The following GTF2A1L variants were observed in gnomAD, a reference collection of about 807,000 sequenced individuals.
GTF2A1L encodes TFIIA-alpha and beta-like factor.
GTF2A1L carries 48 observed loss-of-function variants against 49.7 expected under a neutral mutation model. That is an observed-to-expected ratio of 0.97 (90% CI 0.77 to 1.23). The LOEUF is 1.23. Ranked by LOEUF, GTF2A1L falls within the 50% of genes most tolerant of loss-of-function variation. The probability of loss-of-function intolerance (pLI) is 0.00; values close to 1 mark genes in which losing one functional copy is unlikely to be tolerated. For synonymous variants in GTF2A1L, 246 were observed against 193.5 expected (o/e 1.27, Z -2.25); for missense variants, 736 against 564.8 (o/e 1.30, Z -3.07).
intron 1 of GTF2A1L, among the ~76,000 whole-genome samples, chr2:48,620,046 T>C (rs1265883060): frequency 2.6e-5 from 4 of 152,226 alleles, no homozygotes; most frequent in Non-Finnish European, 5.9e-5. Flanking sequence ...CTTTAATTGC[T>C]CTATTTTAAG....
At position 48,679,563 on chromosome 2, in the gene GTF2A1L, A is replaced by G. The variant is rs1166773474; in HGVS notation, c.*121A>G. On this transcript the variant is annotated 3_prime_UTR_variant, in exon 9 of 9. Transcript: ENST00000403751. ...GCTGTTCAAATTTTTAGTTCACTGT[A>G]TGGAATTTAATAAAATTATAATTCA... 4.1e-6 allele frequency: 6 copies of G among 1,456,232 alleles called. No individual in the cohort carries two copies. The East Asian group carries it at 8.0e-5, about 19-fold the overall frequency. The allele number at this position is 1,456,232 out of a possible 1,614,324, so 90.2% of individuals were successfully genotyped here.
chr2:48,633,024 G>A (rs1415409263), intron 3 of GTF2A1L: 1 of 240,784 alleles, frequency 4.2e-6, no homozygotes, highest in Non-Finnish European at 8.6e-6. Context: ...GTCATAAAAG[G>A]TTTTACTGTT....
intron 6 of GTF2A1L, among the ~76,000 whole-genome samples, chr2:48,655,793 T>C (rs1243750493): frequency 6.6e-6 from 1 of 152,070 alleles, no homozygotes; most frequent in Non-Finnish European, 1.5e-5. Context: ...CCACCACCCA[T>C]CTCTAGAAAT....
intron 8 of GTF2A1L, among the ~76,000 whole-genome samples, chr2:48,677,209 A>G (rs1679513612): frequency 6.6e-6 from 1 of 152,002 alleles, no homozygotes; most frequent in Non-Finnish European, 1.5e-5. Flanking sequence ...TATTAACTCC[A>G]GAATCAACTT....
At chr2:48,629,671 A>G (rs1676472450) in intron 3 of GTF2A1L, among the ~76,000 whole-genome samples, 1 of 144,476 alleles carries the variant, frequency 6.9e-6, no homozygotes, top group South Asian at 2.4e-4. Flanking sequence ...TTTTCAGGCT[A>G]AGGGAAAAGG....
At chr2:48,647,238 C>G in intron 6 of GTF2A1L, 196 bp downstream of exon 6, 1 of 494,120 alleles carries the variant, frequency 2.0e-6, no homozygotes, top group Non-Finnish European at 3.4e-6. Context: ...TAAAGTTTAC[C>G]AACTTAACCA....
chr2:48,672,272 G>A (rs1444227131), intron 8 of GTF2A1L, among the ~76,000 whole-genome samples: 1 of 152,218 alleles, frequency 6.6e-6, no homozygotes, highest in Non-Finnish European at 1.5e-5. Context: ...GGACACTGAA[G>A]AGATAGCTCT....
chr2:48,658,358 A>G lies in GTF2A1L; in HGVS notation c.978+11316A>G, dbSNP rs183729857. On this transcript the variant is annotated intron_variant, in intron 6 of 8. Coordinates refer to ENST00000403751, the MANE Select transcript of GTF2A1L (RefSeq NM_006872.5). ...TCCCATCACCATTTATTGAATAGGG[A>G]GTCCTTTCCCCATTGCTTATTTTTG... Among the ~76,000 whole-genome samples the G allele has an allele frequency of 7.6e-3, 1,164 of 152,238 alleles. 19 individuals carry two copies. Among genetic ancestry groups the G allele is most frequent in the African/African-American group, 0.027 (1,122 of 41,540 alleles).
chr2:48,644,970 A>AG, intron 4 of GTF2A1L, 63 bp from the exon 5 acceptor site: 2 of 1,479,584 alleles, frequency 1.4e-6, no homozygotes, highest in Non-Finnish European at 1.8e-6. Flanking sequence ...CTGTGAGATC[A>AG]GGGAAAAAAA....
intron 6 of GTF2A1L, among the ~76,000 whole-genome samples, chr2:48,662,596 A>C (rs1413404896): frequency 6.6e-6 from 1 of 151,456 alleles, no homozygotes; most frequent in African/African-American, 2.4e-5. Flanking sequence ...ACTGGAAGGA[A>C]TTCCCTCCCT....
chr2:48,658,100 G>C (rs1019678974), intron 6 of GTF2A1L, among the ~76,000 whole-genome samples: 10 of 152,114 alleles, frequency 6.6e-5, no homozygotes, highest in African/African-American at 2.2e-4. Context: ...AACCTCTTTA[G>C]TTTAATTAGG....
At position 48,646,971 on chromosome 2, in the gene GTF2A1L, A is replaced by T; in HGVS notation, c.907A>T (p.Met303Leu). 1.2e-6 allele frequency: 2 copies of T among 1,614,100 alleles called. No individual in the cohort carries two copies. Among genetic ancestry groups the T allele is most frequent in the East Asian group, 2.2e-5 (1 of 44,886 alleles). ...DIQLHILKNR[M>L]YGCDSVKQPR... ...TCAGCTTCATATTCTTAAAAATAGG[A>T]TGTATGGATGTGATTCTGTAAAGCA... The change falls in exon 6 of 9, where the codon ATG becomes TTG. Residue 303 changes from methionine (M) to leucine (L), a missense_variant. By Grantham distance (15) the Met-to-Leu change is conservative (BLOSUM62 2). Transcript: ENST00000403751.
chr2:48,635,948 A>T (rs1270241954), intron 3 of GTF2A1L, among the ~76,000 whole-genome samples: 1 of 152,042 alleles, frequency 6.6e-6, no homozygotes, highest in East Asian at 1.9e-4. Flanking sequence ...AGTTGCTCTG[A>T]TCTCCTGTGG....
chr2:48,658,938 A>T (rs944157784), intron 6 of GTF2A1L, among the ~76,000 whole-genome samples: 1 of 152,068 alleles, frequency 6.6e-6, no homozygotes. Flanking sequence ...ATATCTCCTT[A>T]ACTTATGAAG....
intron 3 of GTF2A1L, among the ~76,000 whole-genome samples, chr2:48,634,107 G>A (rs575515342): frequency 1.2e-4 from 19 of 152,066 alleles, no homozygotes; most frequent in African/African-American, 4.3e-4. Context: ...GGTTAATATT[G>A]ATATGTGAGG....
chr2:48,627,514 G>A (rs1271198699), intron 3 of GTF2A1L, among the ~76,000 whole-genome samples: 1 of 143,632 alleles, frequency 7.0e-6, no homozygotes, highest in Non-Finnish European at 1.6e-5. Context: ...TGGTTGATAT[G>A]AATTTTCCAA....
chr2:48,639,698 G>A (rs984988208), intron 3 of GTF2A1L, among the ~76,000 whole-genome samples: 16 of 152,100 alleles, frequency 1.1e-4, no homozygotes, highest in Non-Finnish European at 2.1e-4. Context: ...AAATTTACAA[G>A]TGAGATCTAA....
chr2:48,676,216 G>A (rs1679459023), intron 8 of GTF2A1L, among the ~76,000 whole-genome samples: 1 of 151,796 alleles, frequency 6.6e-6, no homozygotes, highest in African/African-American at 2.4e-5. Flanking sequence ...TTTAATGGCT[G>A]TATAATATCC....
rs924401558 is a variant in GTF2A1L, at chr2:48,617,994, A to G, written c.21+99A>G. 11 of 1,236,144 alleles carry G rather than the reference A, an allele frequency of 8.9e-6. No individual in the cohort carries two copies. In the African/African-American group the frequency reaches 1.4e-4, roughly 15 times the overall value. 76.6% of individuals were successfully genotyped at this position (1,236,144 alleles called of 1,614,324 possible). A position where few individuals can be genotyped will look rare whatever the true frequency, so the allele number is the denominator to read the frequency against. ...CTTTTGTTTCCCCCTGACACTTTAC[A>G]GATTGTCATAAACCCTCTCTCTTCC... On this transcript the variant is annotated intron_variant, in intron 1 of 8. Transcript: ENST00000403751.
Sources: allele counts gnomAD v4.1 joint callset (sites outside exome capture counted in the v4.1 genomes callset), GRCh38; gene constraint gnomAD v4.1.1; transcripts MANE v1.5; gene names NCBI Gene and HGNC (gene_info 2026-07-23, HGNC 2026-07-21).